TSC2: variants seen among roughly 807,000 people sequenced by gnomAD.
The protein encoded by TSC2 is tuberin.
A neutral mutation model predicts 202.2 loss-of-function variants in TSC2; 29 were observed. The ratio of observed to expected loss-of-function variants is 0.14; its 90% confidence interval spans 0.11 to 0.20. TSC2 has a LOEUF of 0.20. Among genes scored for constraint, TSC2 ranks in the 10% least tolerant of loss-of-function variants. TSC2 has a pLI of 1.00. For missense variants in TSC2, 2,429 were observed against 2,420.0 expected, an observed-to-expected ratio of 1.00 and a Z score of -0.08; for synonymous variants, 1,349 against 1,044.0, an observed-to-expected ratio of 1.29 and a Z score of -5.63.
At chr16:2,054,067 C>T in intron 4 of TSC2, 1 of 621,486 alleles carries the variant, frequency 1.6e-6, no homozygotes, top group Non-Finnish European at 2.8e-6. Context: ...TGTGCCAGGT[C>T]CCGACACACA....
chr16:2,077,685 C>T lies in TSC2; in HGVS notation c.2925C>T (p.Phe975=). The change falls in exon 26 of 42, where the codon TTC becomes TTT. Residue 975 remains phenylalanine (F), a synonymous_variant. Coordinates refer to ENST00000219476, the MANE Select transcript of TSC2 (RefSeq NM_000548.5). ...AGGAGAGCTCTGCAGCCGAGGCCTTCCGGTGCCGCAGCATCAGTGTGTCTG... is the reference window on the plus strand; with the variant it reads ...AGGAGAGCTCTGCAGCCGAGGCCTTTCGGTGCCGCAGCATCAGTGTGTCTG... ...EFKESSAAEA[F]RCRSISVSEH... 3 of 1,613,098 alleles carry T rather than the reference C, an allele frequency of 1.9e-6. No individual in the cohort carries two copies. Among genetic ancestry groups the T allele is most frequent in the Non-Finnish European group, 2.5e-6 (3 of 1,180,038 alleles).
At chr16:2,075,936 C>T (rs1800715) in intron 23 of TSC2, 44 bp downstream of exon 23, 19 of 1,612,476 alleles carry the variant, frequency 1.2e-5, no homozygotes, top group Admixed American at 8.3e-5. Context: ...CCGTGGCCCC[C>T]GCTAGGCCTT....
At chr16:2,048,403 C>T in intron 1 of TSC2, 184 bp from the exon 2 acceptor site, 4 of 875,698 alleles carry the variant, frequency 4.6e-6, no homozygotes, top group East Asian at 2.6e-5. Context: ...CTGGTGTCTC[C>T]CGGGCTTTCC....
intron 21 of TSC2, 142 bp downstream of exon 21, chr16:2,073,125 GC>G: frequency 7.4e-7 from 1 of 1,359,512 alleles, no homozygotes; most frequent in Non-Finnish European, 1.0e-6. Context: ...CTGGGTGGCT[GC>G]CAGATGCCCA....
At position 2,082,469 on chromosome 16, in the gene TSC2, GCCAAGGA is replaced by G. The variant is rs752493138; in HGVS notation, c.3850_3856del (p.Gln1284SerfsTer39). The G allele has an allele frequency of 1.0e-4, 164 of 1,612,380 alleles. No homozygotes were observed. In the African/African-American group the frequency reaches 1.8e-3, roughly 18 times the overall value. ...TTCTCCTCCCTGTACCAGTCCAGCT[GCCAAGGA>G]CAGCTGCACAGGAGCGTTTCCTGGG... On this transcript the variant is annotated frameshift_variant, in exon 32 of 42. Coordinates refer to ENST00000219476, the MANE Select transcript of TSC2 (RefSeq NM_000548.5). LOFTEE classifies it high-confidence loss of function.
At chr16:2,085,932 G>A (rs1372205740) in intron 36 of TSC2, among the ~76,000 whole-genome samples, 3 of 152,196 alleles carry the variant, frequency 2.0e-5, no homozygotes, top group Non-Finnish European at 4.4e-5. Context: ...GGGGCAGGCT[G>A]CTGAGGGGCC....
chr16:2,057,212 G>C (rs561078916), intron 9 of TSC2, 34 bp downstream of exon 9: 1 of 1,551,060 alleles, frequency 6.4e-7, no homozygotes, highest in East Asian at 2.4e-5. Context: ...GGGCAGTGGA[G>C]GCCAGCACAG....
Position 2,048,589 on chromosome 16 carries a change from G to A in TSC2, c.-27G>A, listed in dbSNP as rs753968697. On this transcript the variant is annotated splice_region_variant and 5_prime_UTR_variant, in exon 2 of 42. Transcript: ENST00000219476. ...CCATTCCTGTTTCGTTTGCACAGAG[G>A]GGTTTTCTGGTGCGTCCTGGTCCAC... 24 of 1,613,664 alleles carry A rather than the reference G, an allele frequency of 1.5e-5. No homozygotes were observed. Among genetic ancestry groups the A allele is most frequent in the Non-Finnish European group, 1.9e-5 (23 of 1,180,034 alleles).
chr16:2,085,134 C>G lies in TSC2; in HGVS notation c.4570-96C>G, dbSNP rs1017846426. 58 of 1,603,048 alleles carry G rather than the reference C, an allele frequency of 3.6e-5. No homozygotes were observed. The South Asian group carries it at 5.9e-4, about 16-fold the overall frequency. On this transcript the variant is annotated intron_variant, in intron 35 of 41. Transcript: ENST00000219476. ...GCTCAGGCTTGCAGAGGGCTCTGGC[C>G]TAAGCTCCCTGTGGCAGCCTGCCGT...
Position 2,067,320 on chromosome 16 carries a change from C to A in TSC2, c.1716+1685C>A, listed in dbSNP as rs2087530075. On this transcript the variant is annotated intron_variant, in intron 16 of 41. Coordinates refer to ENST00000219476, the MANE Select transcript of TSC2 (RefSeq NM_000548.5). ...GGGACCATAGGCACACGTCACCACACCTGGCTAATTTTTTCATTTTTTGTA... is the reference window on the plus strand; with the variant it reads ...GGGACCATAGGCACACGTCACCACAACTGGCTAATTTTTTCATTTTTTGTA... 2.0e-5 allele frequency among the ~76,000 whole-genome samples: 3 copies of A among 152,026 alleles called. No individual in the cohort carries two copies. In the South Asian group the frequency reaches 6.2e-4, roughly 31 times the overall value.
chr16:2,057,232 C>T (rs1456143731), intron 9 of TSC2, 54 bp downstream of exon 9: 4 of 1,545,162 alleles, frequency 2.6e-6, no homozygotes, highest in Non-Finnish European at 2.6e-6. Flanking sequence ...GCCCTCGGGG[C>T]AGCTCCAGTG....
At chr16:2,049,416 CTT>C (rs2084808272) in intron 2 of TSC2, among the ~76,000 whole-genome samples, 1 of 151,892 alleles carries the variant, frequency 6.6e-6, no homozygotes, top group African/African-American at 2.4e-5. Context: ...GTGTTTGTGT[CTT>C]TGTCACACAT....
rs955680135 is a variant in TSC2, at chr16:2,084,713, C to T, written c.4491C>T (p.Pro1497=). The T allele has an allele frequency of 6.3e-7, 1 of 1,598,530 alleles. No homozygotes were observed. The change falls in exon 34 of 42, where the codon CCC becomes CCT. Residue 1497 remains proline, a splice_region_variant and synonymous_variant. Coordinates refer to ENST00000219476, the MANE Select transcript of TSC2 (RefSeq NM_000548.5). ...SNAEKVPGIN[P]SFVFLQLYHS... Reference sequence around the variant, plus strand: ...CAGAGAAAGTGCCAGGCATCAACCCCAGGTGGGCCTCTTGCTTCCGGGCGG... The same window carrying T: ...CAGAGAAAGTGCCAGGCATCAACCCTAGGTGGGCCTCTTGCTTCCGGGCGG...
chr16:2,048,874 C>A, intron 2 of TSC2, 121 bp downstream of exon 2: 1 of 1,425,214 alleles, frequency 7.0e-7, no homozygotes, highest in Non-Finnish European at 9.8e-7. Flanking sequence ...GGAATGCTGT[C>A]TCCAGTACTT....
At chr16:2,072,093 G>A in intron 19 of TSC2, 148 bp from the exon 20 acceptor site, 1 of 1,511,854 alleles carries the variant, frequency 6.6e-7, no homozygotes, top group Non-Finnish European at 8.9e-7. Context: ...CAGGGACAGA[G>A]GCCTGCGCTG....
chr16:2,064,089 C>G (rs1037396589), intron 14 of TSC2, 183 bp from the exon 15 acceptor site: 3 of 909,496 alleles, frequency 3.3e-6, no homozygotes, highest in South Asian at 1.4e-5. Flanking sequence ...GGACAGGATC[C>G]CTGGAAGGGG....
chr16:2,054,268 C>T, intron 4 of TSC2, 28 bp from the exon 5 acceptor site: 1 of 1,614,086 alleles, frequency 6.2e-7, no homozygotes, highest in East Asian at 2.2e-5. Flanking sequence ...CTGGCAGGCT[C>T]TGCTGATCCT....
In TSC2 at chr16:2,048,583, A is replaced by C. The variant is rs777786528; in HGVS notation, c.-29-4A>C. On this transcript the variant is annotated splice_polypyrimidine_tract_variant and splice_region_variant and intron_variant, in intron 1 of 41. Coordinates refer to ENST00000219476, the MANE Select transcript of TSC2 (RefSeq NM_000548.5). ...ATGTCCCCATTCCTGTTTCGTTTGC[A>C]CAGAGGGGTTTTCTGGTGCGTCCTG... 6.2e-7 allele frequency: 1 copy of C among 1,613,484 alleles called. No homozygotes were observed. The highest frequency in any genetic ancestry group is 8.5e-7 in the Non-Finnish European group (1 of 1,180,000).
intron 16 of TSC2, among the ~76,000 whole-genome samples, chr16:2,067,852 G>C (rs2087618042): frequency 6.6e-6 from 1 of 152,174 alleles, no homozygotes; most frequent in Non-Finnish European, 1.5e-5. Context: ...TGACTGGTTG[G>C]GAAGGGGTGT....
Sources: allele counts gnomAD v4.1 joint callset (sites outside exome capture counted in the v4.1 genomes callset), GRCh38; gene constraint gnomAD v4.1.1; transcripts MANE v1.5; gene names NCBI Gene and HGNC (gene_info 2026-07-23, HGNC 2026-07-21).